The following CHIT1 variants were observed in gnomAD, a reference collection of about 807,000 sequenced individuals.
The protein encoded by CHIT1 is chitinase 1, also known as chitotriosidase-1.
CHIT1 carries 47 observed loss-of-function variants against 52.0 expected under a neutral mutation model. The observed-to-expected ratio is 0.90, with a 90% CI of 0.71 to 1.15. The LOEUF is 1.15. Ranked by LOEUF, CHIT1 falls within the 50% of genes most tolerant of loss-of-function variation. The pLI is 0.00. For missense variants in CHIT1, 569 were observed against 583.0 expected, an observed-to-expected ratio of 0.98 and a Z score of 0.25; for synonymous variants, 242 against 228.2, an observed-to-expected ratio of 1.06 and a Z score of -0.54.
chr1:203,228,351 G>A (rs1265959317), intron 2 of CHIT1, among the ~76,000 whole-genome samples, 182 bp downstream of exon 2: 2 of 152,248 alleles, frequency 1.3e-5, no homozygotes, highest in Admixed American at 1.3e-4. Flanking sequence ...TAATGGATAA[G>A]GAGGCAAGAG....
In CHIT1 at chr1:203,216,286, C is replaced by T. The variant is rs751074169; in HGVS notation, c.*603G>A. 3 of 453,944 alleles carry T rather than the reference C, an allele frequency of 6.6e-6. No individual in the cohort carries two copies. Among genetic ancestry groups the T allele is most frequent in the African/African-American group, 2.0e-5 (1 of 49,974 alleles). 28.1% of individuals were successfully genotyped at this position (453,944 alleles called of 1,614,324 possible). ...CAAAGGGCCCAAACAGGATTTATCT[C>T]GAAGACCCCTGAGTACCAGGGGTCT... On this transcript the variant is annotated 3_prime_UTR_variant, in exon 11 of 11. Coordinates refer to ENST00000367229, the MANE Select transcript of CHIT1 (RefSeq NM_003465.3).
intron 2 of CHIT1, among the ~76,000 whole-genome samples, chr1:203,228,185 C>A (rs752156665): frequency 1.5e-4 from 23 of 152,194 alleles, no homozygotes; most frequent in Non-Finnish European, 1.6e-4. Context: ...TGCAGAGAGA[C>A]ACCTAAGCCA....
At chr1:203,221,274 A>T (rs1435357806) in intron 7 of CHIT1, among the ~76,000 whole-genome samples, 1 of 152,232 alleles carries the variant, frequency 6.6e-6, no homozygotes, top group Non-Finnish European at 1.5e-5. Context: ...TAATGTAGTT[A>T]TTATAAGCCC....
In CHIT1 at chr1:203,216,854, A is replaced by G. The variant is rs1656547862; in HGVS notation, c.*35T>C. On this transcript the variant is annotated 3_prime_UTR_variant, in exon 11 of 11. Transcript: ENST00000367229. Reference sequence around the variant, plus strand: ...CAGGCTGTAGAGTGATCCTGGGCCCAGCCTCAAAGCTGGGACTGGAGGGGC... The same window carrying G: ...CAGGCTGTAGAGTGATCCTGGGCCCGGCCTCAAAGCTGGGACTGGAGGGGC... 1.2e-6 allele frequency: 2 copies of G among 1,613,146 alleles called. No homozygotes were observed. Among genetic ancestry groups the G allele is most frequent in the East Asian group, 4.5e-5 (2 of 44,882 alleles).
At chr1:203,220,633 G>A (rs902706306) in intron 7 of CHIT1, among the ~76,000 whole-genome samples, 1 of 152,196 alleles carries the variant, frequency 6.6e-6, no homozygotes, top group African/African-American at 2.4e-5. Flanking sequence ...CCCAGAAGCT[G>A]CCCTAGTTTT....
intron 7 of CHIT1, 79 bp from the exon 8 acceptor site, chr1:203,219,928 G>C: frequency 6.5e-7 from 1 of 1,535,940 alleles, no homozygotes. Flanking sequence ...TCCAGAGGCA[G>C]AGCTAGGAGG....
intron 9 of CHIT1, among the ~76,000 whole-genome samples, 159 bp downstream of exon 9, chr1:203,219,057 T>C (rs1656637501): frequency 1.3e-5 from 2 of 152,208 alleles, no homozygotes; most frequent in African/African-American, 4.8e-5. Context: ...TCTGAGTCAA[T>C]AGGTAGTAAA....
intron 7 of CHIT1, among the ~76,000 whole-genome samples, chr1:203,221,296 T>A (rs1656720119): frequency 6.6e-6 from 1 of 151,928 alleles, no homozygotes; most frequent in South Asian, 2.1e-4. Context: ...CTCTGCAGGG[T>A]TTTATAAACC....
intron 10 of CHIT1, chr1:203,217,493 A>G: frequency 8.6e-7 from 1 of 1,160,960 alleles, no homozygotes; most frequent in Non-Finnish European, 1.2e-6. Context: ...GGCCCTCTGG[A>G]GGGAAGCCAC....
At chr1:203,222,886 G>A (rs764329327) in intron 6 of CHIT1, among the ~76,000 whole-genome samples, 6 of 152,186 alleles carry the variant, frequency 3.9e-5, no homozygotes, top group Non-Finnish European at 8.8e-5. Context: ...CCGAGGAAGA[G>A]GACAGAGATC....
intron 6 of CHIT1, 105 bp from the exon 7 acceptor site, chr1:203,222,430 T>C: frequency 6.4e-7 from 1 of 1,560,322 alleles, no homozygotes; most frequent in Non-Finnish European, 8.7e-7. Flanking sequence ...GAGGAACCAC[T>C]GGGGTCAGAG....
Position 203,223,704 on chromosome 1 carries a change from C to A in CHIT1, c.315-44G>T, listed in dbSNP as rs754155372. ...GAGTAAGGGCCGGCCTTGGACCAGA[C>A]AGGAGGCCACTCTTACTCAGAAGCA... is the stretch of plus-strand genomic sequence containing the variant. On this transcript the variant is annotated intron_variant, in intron 4 of 10. Transcript: ENST00000367229. The A allele has an allele frequency of 8.8e-6, 14 of 1,596,266 alleles. No individual in the cohort carries two copies. In the East Asian group the frequency reaches 1.3e-4, roughly 15 times the overall value.
chr1:203,217,166 C>G, intron 10 of CHIT1, 33 bp from the exon 11 acceptor site: 1 of 1,599,654 alleles, frequency 6.3e-7, no homozygotes, highest in East Asian at 2.2e-5. Context: ...ACCAAGGCTC[C>G]CCCGAAGAGA....
chr1:203,229,684 G>T, upstream of CHIT1: 2 of 1,611,728 alleles, frequency 1.2e-6, no homozygotes, highest in Non-Finnish European at 1.7e-6. Context: ...AGCTTTCCAG[G>T]TCCTGCTCTG....
intron 2 of CHIT1, among the ~76,000 whole-genome samples, chr1:203,227,503 T>G (rs2102244767): frequency 6.6e-6 from 1 of 152,348 alleles, no homozygotes; most frequent in African/African-American, 2.4e-5. Flanking sequence ...TGTCAGTGTC[T>G]GGGTTGAAAT....
chr1:203,219,378 G>T, intron 8 of CHIT1, 49 bp from the exon 9 acceptor site: 1 of 1,107,240 alleles, frequency 9.0e-7, no homozygotes. Context: ...GGCTCTTGCA[G>T]GCACCTTCCC....
At chr1:203,220,059 A>G (rs1282396129) in intron 7 of CHIT1, among the ~76,000 whole-genome samples, 1 of 152,192 alleles carries the variant, frequency 6.6e-6, no homozygotes. Context: ...CATGATAACC[A>G]GAGAGCGTGG....
At position 203,216,987 on chromosome 1, in the gene CHIT1, A is replaced by G. The variant is rs986885692; in HGVS notation, c.1303T>C (p.Ser435Pro). Residue 435 changes from serine (S) to proline (P), a missense_variant, in exon 11 of 11, where the codon TCC becomes CCC. Coordinates refer to ENST00000367229, the MANE Select transcript of CHIT1 (RefSeq NM_003465.3). ...DGLYPNPRER[S>P]SFYSCAAGRL... The stretch of plus-strand genomic sequence containing the variant: ...CCCGCTGCACAGCTGTAGAAGCTGG[A>G]CCGTTCCCGAGGATTGGGATAGAGC... 3 of 1,614,082 alleles carry G rather than the reference A, an allele frequency of 1.9e-6. No individual in the cohort carries two copies. Among genetic ancestry groups the G allele is most frequent in the Non-Finnish European group, 2.5e-6 (3 of 1,180,012 alleles).
rs1402351919 is a variant in CHIT1 at position 203,216,285 on chromosome 1, T to G, written c.*604A>C. ...GCAAAGGGCCCAAACAGGATTTATCTCGAAGACCCCTGAGTACCAGGGGTC... is the reference window on the plus strand; with the variant it reads ...GCAAAGGGCCCAAACAGGATTTATCGCGAAGACCCCTGAGTACCAGGGGTC... On this transcript the variant is annotated 3_prime_UTR_variant, in exon 11 of 11. Transcript: ENST00000367229. 9 of 454,002 alleles carry G rather than the reference T, an allele frequency of 2.0e-5. No homozygotes were observed. The highest frequency in any genetic ancestry group is 3.5e-5 in the Non-Finnish European group (8 of 226,804). 28.1% of individuals were successfully genotyped at this position (454,002 alleles called of 1,614,324 possible). A position where few individuals can be genotyped will look rare whatever the true frequency, so the allele number is the denominator to read the frequency against.
Sources: allele counts gnomAD v4.1 joint callset (sites outside exome capture counted in the v4.1 genomes callset), GRCh38; gene constraint gnomAD v4.1.1; transcripts MANE v1.5; gene names NCBI Gene and HGNC (gene_info 2026-07-23, HGNC 2026-07-21).